Variants in RORA observed in about 807,000 individuals in gnomAD.
RORA encodes RAR related orphan receptor A.
Under a neutral mutation model 69.5 loss-of-function variants are expected in RORA, and 7 were observed. The ratio of observed to expected loss-of-function variants is 0.10; its 90% CI spans 0.06 to 0.19. The LOEUF is 0.19. Among genes scored for constraint, RORA ranks in the 10% least tolerant of loss-of-function variants. The pLI, the probability that RORA is intolerant of heterozygous loss-of-function variation, is 1.00. For synonymous variants in RORA, 261 were observed against 240.8 expected (o/e 1.08, Z -0.78); for missense variants, 457 against 663.0 (o/e 0.69, Z 3.41).
chr15:60,888,425 CG>C (rs2073775775), intron 1 of RORA, among the ~76,000 whole-genome samples: 1 of 152,284 alleles, frequency 6.6e-6, no homozygotes, highest in Admixed American at 6.5e-5. Flanking sequence ...AAGAGTTACA[CG>C]GGGCGAAAAG....
At chr15:60,973,548 T>A (rs531414597) in intron 1 of RORA, among the ~76,000 whole-genome samples, 5 of 152,330 alleles carry the variant, frequency 3.3e-5, no homozygotes, top group Admixed American at 6.5e-5. Context: ...CTGCAGTAGT[T>A]CTCCTGTCTC....
intron 1 of RORA, among the ~76,000 whole-genome samples, chr15:60,843,022 C>T (rs1028683219): frequency 6.6e-6 from 1 of 152,116 alleles, no homozygotes; most frequent in Non-Finnish European, 1.5e-5. Context: ...GTTCACCCAC[C>T]ACACCCCTCG....
chr15:61,148,739 T>C (rs1425437911), intron 1 of RORA, among the ~76,000 whole-genome samples: 1 of 152,192 alleles, frequency 6.6e-6, no homozygotes, highest in Non-Finnish European at 1.5e-5. Flanking sequence ...TATTATGAAA[T>C]TCTTATAAAT....
At chr15:60,651,585 C>T (rs2070143168) in intron 2 of RORA, among the ~76,000 whole-genome samples, 1 of 152,100 alleles carries the variant, frequency 6.6e-6, no homozygotes, top group African/African-American at 2.4e-5. Flanking sequence ...TTCTATGGAA[C>T]AAAATCAAGC....
chr15:60,596,578 A>G (rs559570111), intron 2 of RORA, among the ~76,000 whole-genome samples: 31 of 152,240 alleles, frequency 2.0e-4, no homozygotes, highest in African/African-American at 7.5e-4. Flanking sequence ...AACCTAGAAG[A>G]GATCACAGCC....
intron 1 of RORA, among the ~76,000 whole-genome samples, chr15:60,866,088 A>G (rs2073484144): frequency 6.6e-6 from 1 of 152,210 alleles, no homozygotes; most frequent in African/African-American, 2.4e-5. Flanking sequence ...TTTGAAATAG[A>G]CAATAAATTA....
intron 2 of RORA, among the ~76,000 whole-genome samples, chr15:60,583,440 C>G (rs185917993): frequency 6.6e-6 from 1 of 152,232 alleles, no homozygotes; most frequent in African/African-American, 2.4e-5. Context: ...AGACTCTTAG[C>G]CTGCTCCTGC....
intron 2 of RORA, among the ~76,000 whole-genome samples, chr15:60,543,596 A>G (rs865898880): frequency 6.6e-6 from 1 of 151,962 alleles, no homozygotes; most frequent in African/African-American, 2.4e-5. Context: ...CTACCACCTC[A>G]GCCTCCTGAG....
chr15:60,584,855 T>C (rs2068287246), intron 2 of RORA, among the ~76,000 whole-genome samples: 1 of 152,198 alleles, frequency 6.6e-6, no homozygotes, highest in Non-Finnish European at 1.5e-5. Context: ...ACGGTTGGCT[T>C]CAATAACTGA....
chr15:60,709,908 G>A (rs745804357), intron 1 of RORA, among the ~76,000 whole-genome samples: 11 of 152,250 alleles, frequency 7.2e-5, no homozygotes, highest in Admixed American at 3.9e-4. Flanking sequence ...TGCCAAAAAG[G>A]TTGGGGACTG....
Position 60,493,987 on chromosome 15 carries a change from A to ACACT in RORA, c.*3467_*3468insAGTG, listed in dbSNP as rs548286972. On this transcript the variant is annotated 3_prime_UTR_variant, in exon 11 of 11. Coordinates refer to ENST00000335670, the MANE Select transcript of RORA (RefSeq NM_134261.3). ...CACACACACACACACACACACACACACTCCTTCCTCACCTGACCCTCAGCC... is the reference window on the plus strand; with the variant it reads ...CACACACACACACACACACACACACACACTCTCCTTCCTCACCTGACCCTCAGCC... 1,305 of 139,346 alleles carry ACACT rather than the reference A, an allele frequency of 9.4e-3. 20 individuals are homozygous for ACACT. Among genetic ancestry groups the ACACT allele is most frequent in the African/African-American group, 0.024 (901 of 37,838 alleles). The allele number at this position is 139,346 out of a possible 1,614,324, so 8.6% of individuals were successfully genotyped here. A position where few individuals can be genotyped will look rare whatever the true frequency, so the allele number is the denominator to read the frequency against.
At chr15:60,586,522 T>C (rs921612809) in intron 2 of RORA, among the ~76,000 whole-genome samples, 1 of 152,154 alleles carries the variant, frequency 6.6e-6, no homozygotes, top group Non-Finnish European at 1.5e-5. Context: ...CTTACAGTCT[T>C]TCATTTGAAA....
intron 1 of RORA, among the ~76,000 whole-genome samples, chr15:60,726,152 C>T (rs770743917): frequency 3.0e-4 from 45 of 152,202 alleles, no homozygotes; most frequent in Admixed American, 4.6e-4. Flanking sequence ...GGTGTGACTC[C>T]GGGTTTACCT....
chr15:61,191,048 T>C (rs1232945482), intron 1 of RORA, among the ~76,000 whole-genome samples: 2 of 151,988 alleles, frequency 1.3e-5, no homozygotes, highest in East Asian at 3.9e-4. Flanking sequence ...AGATTTTTCA[T>C]ACATTCACAT....
intron 1 of RORA, among the ~76,000 whole-genome samples, chr15:60,768,168 T>C (rs9302215): frequency 0.65 from 98,558 of 152,152 alleles, 32,251 homozygotes; most frequent in African/African-American, 0.69. Flanking sequence ...TCCAAACTTT[T>C]TGCTTAACAA....
Position 61,017,144 on chromosome 15 carries a change from C to A in RORA, c.166+211909G>T, listed in dbSNP as rs1377686206. On this transcript the variant is annotated intron_variant, in intron 1 of 10. Coordinates refer to ENST00000335670, the MANE Select transcript of RORA (RefSeq NM_134261.3). Reference sequence around the variant, plus strand: ...ATAAAGCAGGCTCTTTTGATTCCTACGTTTTTATTTATTGGCTTAACCTCC... The same window carrying A: ...ATAAAGCAGGCTCTTTTGATTCCTAAGTTTTTATTTATTGGCTTAACCTCC... 2.0e-5 allele frequency among the ~76,000 whole-genome samples: 3 copies of A among 152,154 alleles called. No homozygotes were observed. The South Asian group carries it at 6.2e-4, about 32-fold the overall frequency.
At chr15:60,880,862 G>A (rs775015630) in intron 1 of RORA, among the ~76,000 whole-genome samples, 1 of 152,104 alleles carries the variant, frequency 6.6e-6, no homozygotes, top group Admixed American at 6.6e-5. Context: ...AAAATCCGCC[G>A]ATGCATTTAA....
chr15:60,562,435 G>GT (rs1052465401), intron 2 of RORA, among the ~76,000 whole-genome samples: 2 of 148,152 alleles, frequency 1.3e-5, no homozygotes, highest in Non-Finnish European at 3.0e-5. Context: ...CGGGGTTGGG[G>GT]GGGGGTTGCT....
chr15:61,078,692 T>C (rs894786492), intron 1 of RORA, among the ~76,000 whole-genome samples: 3 of 152,108 alleles, frequency 2.0e-5, no homozygotes, highest in African/African-American at 7.2e-5. Context: ...AAAGCTCTTA[T>C]ACTCTATTAA....
Sources: gnomAD v4.1 joint callset for allele counts (sites outside exome capture counted in the v4.1 genomes callset) on GRCh38, gnomAD v4.1.1 for gene constraint, MANE v1.5 for transcripts, NCBI Gene and HGNC (gene_info 2026-07-23, HGNC 2026-07-21) for gene names.